ROBO2: variants seen among roughly 807,000 people sequenced by gnomAD.
ROBO2 encodes roundabout guidance receptor 2, also known as roundabout homolog 2.
In ROBO2, 53 loss-of-function variants were observed where a neutral mutation model predicts 160.8. The ratio of observed to expected loss-of-function variants is 0.33; its 90% confidence interval spans 0.26 to 0.41. The LOEUF is 0.41. Among genes scored for constraint, ROBO2 ranks in the 10% least tolerant of loss-of-function variants. The pLI is 1.00. For synonymous variants in ROBO2, 664 were observed against 611.7 expected, an observed-to-expected ratio of 1.09 and a Z score of -1.26; for missense variants, 1,577 against 1,722.4, an observed-to-expected ratio of 0.92 and a Z score of 1.49.
At chr3:77,572,981 G>A (rs2093675511) in intron 13 of ROBO2, among the ~76,000 whole-genome samples, 1 of 151,906 alleles carries the variant, frequency 6.6e-6, no homozygotes, top group Non-Finnish European at 1.5e-5. Flanking sequence ...GTTTAAAGCT[G>A]AAATTAATAA....
At chr3:76,754,137 C>T (rs2060834129) in intron 2 of ROBO2, among the ~76,000 whole-genome samples, 1 of 151,894 alleles carries the variant, frequency 6.6e-6, no homozygotes, top group East Asian at 2.0e-4. Context: ...AGAAAATATA[C>T]TTTCATTAAT....
intron 2 of ROBO2, among the ~76,000 whole-genome samples, chr3:77,271,177 G>A (rs963270075): frequency 2.0e-5 from 3 of 151,826 alleles, no homozygotes; most frequent in South Asian, 2.1e-4. Context: ...CACCTACTCC[G>A]TGCTAGGTGT....
chr3:77,269,599 A>G (rs1266730543), intron 2 of ROBO2, among the ~76,000 whole-genome samples: 1 of 132,630 alleles, frequency 7.5e-6, no homozygotes, highest in Non-Finnish European at 1.7e-5. Context: ...ATGGTTGGTA[A>G]GGAGTTTTCC....
intron 2 of ROBO2, among the ~76,000 whole-genome samples, chr3:77,432,550 C>T (rs1390609949): frequency 1.3e-5 from 2 of 152,042 alleles, no homozygotes; most frequent in East Asian, 1.9e-4. Flanking sequence ...CTGGTTCACC[C>T]CCTGATTTAA....
intron 2 of ROBO2, among the ~76,000 whole-genome samples, chr3:76,962,269 A>C (rs2079721903): frequency 6.6e-6 from 1 of 152,008 alleles, no homozygotes; most frequent in Non-Finnish European, 1.5e-5. Flanking sequence ...CAGGAGGTAG[A>C]GGTTGCAGTG....
chr3:76,627,486 T>C (rs1264201365), intron 2 of ROBO2, among the ~76,000 whole-genome samples: 2 of 152,238 alleles, frequency 1.3e-5, no homozygotes, highest in African/African-American at 2.4e-5. Flanking sequence ...ATGCAGATGA[T>C]GGCTGCTAAG....
intron 2 of ROBO2, among the ~76,000 whole-genome samples, chr3:76,773,354 T>C (rs1271968600): frequency 6.6e-6 from 1 of 150,686 alleles, no homozygotes; most frequent in Non-Finnish European, 1.5e-5. Flanking sequence ...CTTCTAAGAG[T>C]GGTCAGTCAG....
intron 2 of ROBO2, among the ~76,000 whole-genome samples, chr3:76,423,130 G>A (rs182564616): frequency 1.3e-5 from 2 of 152,260 alleles, no homozygotes; most frequent in East Asian, 3.9e-4. Context: ...ACAGAGTAAA[G>A]GGTTAGGTTC....
At chr3:76,012,569 T>C (rs758948268) in intron 2 of ROBO2, among the ~76,000 whole-genome samples, 16 of 152,190 alleles carry the variant, frequency 1.1e-4, no homozygotes, top group Admixed American at 2.0e-4. Context: ...TTGATTTTGC[T>C]CTATCATCAT....
At chr3:76,891,797 A>G (rs903977480) in intron 2 of ROBO2, among the ~76,000 whole-genome samples, 1 of 152,202 alleles carries the variant, frequency 6.6e-6, no homozygotes, top group African/African-American at 2.4e-5. Context: ...TTCTCCACCT[A>G]AGAGGGTATC....
At chr3:76,448,786 A>G (rs1402772459) in intron 2 of ROBO2, among the ~76,000 whole-genome samples, 3 of 152,190 alleles carry the variant, frequency 2.0e-5, no homozygotes, top group Non-Finnish European at 2.9e-5. Flanking sequence ...CTAAAAGGTT[A>G]ACCTAATTAT....
chr3:76,652,760 A>G (rs1190396331), intron 2 of ROBO2, among the ~76,000 whole-genome samples: 2 of 148,490 alleles, frequency 1.3e-5, no homozygotes, highest in Non-Finnish European at 3.0e-5. Flanking sequence ...GTTTTGGTGG[A>G]AAAAAAAAAG....
rs1553700856 is a variant in ROBO2 at position 76,308,396 on chromosome 3, AAG to A, written c.109+370796_109+370797del. On this transcript the variant is annotated intron_variant, in intron 2 of 26. Transcript: ENST00000487694. ...TGTCTCAAAAAAAAAAAAAAAAAAA[AAG>A]AAAGAAAGAAAAGCAAAGAAAAAAG... Among the ~76,000 whole-genome samples the A allele has an allele frequency of 4.4e-3, 646 of 146,360 alleles. 6 individuals are homozygous for A. Among genetic ancestry groups the A allele is most frequent in the African/African-American group, 0.014 (576 of 39,874 alleles).
intron 2 of ROBO2, among the ~76,000 whole-genome samples, chr3:76,747,452 A>G (rs1272132577): frequency 1.3e-5 from 2 of 152,078 alleles, no homozygotes; most frequent in Non-Finnish European, 2.9e-5. Flanking sequence ...TTTTAGAAAC[A>G]AAAATAAAAA....
At position 77,595,124 on chromosome 3, in the gene ROBO2, T is replaced by G. The variant is rs756645028; in HGVS notation, c.2684-18T>G. The G allele has an allele frequency of 3.7e-6, 6 of 1,604,580 alleles. No homozygotes were observed. Among genetic ancestry groups the G allele is most frequent in the East Asian group, 2.2e-5 (1 of 44,780 alleles). ...ACTACTTGTGTGTGCATGTCTTCCT[T>G]TTTTTCTTTTTTCATAGTTACGTTT... is the stretch of plus-strand genomic sequence containing the variant. On this transcript the variant is annotated intron_variant, in intron 17 of 25. Transcript: ENST00000461745.
intron 2 of ROBO2, among the ~76,000 whole-genome samples, chr3:76,013,390 C>T (rs1350492606): frequency 4.6e-5 from 5 of 107,718 alleles, no homozygotes; most frequent in Middle Eastern, 8.3e-3. Context: ...AGGCAATTGA[C>T]GACTGGGCAC....
intron 2 of ROBO2, among the ~76,000 whole-genome samples, chr3:76,898,814 AAT>A (rs2075009024): frequency 6.6e-6 from 1 of 152,126 alleles, no homozygotes; most frequent in Non-Finnish European, 1.5e-5. Flanking sequence ...CAAGTTCTTA[AAT>A]AATATAAATA....
chr3:76,248,276 T>G (rs1404886466), intron 2 of ROBO2, among the ~76,000 whole-genome samples: 2 of 152,016 alleles, frequency 1.3e-5, no homozygotes, highest in Admixed American at 1.3e-4. Flanking sequence ...ATTAAGAAAA[T>G]GTGGCACACA....
intron 2 of ROBO2, among the ~76,000 whole-genome samples, chr3:76,081,331 G>C (rs1197921375): frequency 1.3e-5 from 2 of 151,994 alleles, no homozygotes; most frequent in Non-Finnish European, 2.9e-5. Context: ...ATAGATACAT[G>C]AATAGTCATG....
Sources: allele counts gnomAD v4.1 joint callset (sites outside exome capture counted in the v4.1 genomes callset), GRCh38; gene constraint gnomAD v4.1.1; transcripts MANE v1.5; gene names NCBI Gene and HGNC (gene_info 2026-07-23, HGNC 2026-07-21).